SBF2: variants seen among roughly 807,000 people sequenced by gnomAD.
SBF2 encodes SET binding factor 2.
In SBF2, 112 loss-of-function variants were observed where a neutral mutation model predicts 225.2. The observed-to-expected ratio is 0.50, with a 90% CI of 0.43 to 0.58. The LOEUF (loss-of-function observed/expected upper bound fraction) is 0.58. Ranked by LOEUF, SBF2 falls within the 20% of genes least tolerant of loss-of-function variation. SBF2 has a pLI of 0.00. For missense variants in SBF2, 1,996 were observed against 2,206.2 expected (o/e 0.90, Z 1.91); for synonymous variants, 763 against 773.3 (o/e 0.99, Z 0.22).
chr11:9,909,653 G>A (rs1161766977), intron 16 of SBF2, among the ~76,000 whole-genome samples: 2 of 133,606 alleles, frequency 1.5e-5, no homozygotes, highest in East Asian at 4.2e-4. Flanking sequence ...CTGGGTGACA[G>A]AGCGAGACTC....
chr11:10,231,971 C>T (rs534559920), intron 1 of SBF2, among the ~76,000 whole-genome samples: 92 of 152,324 alleles, frequency 6.0e-4, no homozygotes, highest in East Asian at 7.7e-4. Context: ...TCGAGCTTCC[C>T]GGCCGCTTTG....
At chr11:9,997,826 C>G (rs1358301911) in intron 9 of SBF2, among the ~76,000 whole-genome samples, 1 of 152,212 alleles carries the variant, frequency 6.6e-6, no homozygotes, top group Non-Finnish European at 1.5e-5. Flanking sequence ...TATGACACAT[C>G]TTTCTGTAAT....
chr11:10,163,363 T>A (rs887041187), intron 2 of SBF2, among the ~76,000 whole-genome samples: 1 of 152,080 alleles, frequency 6.6e-6, no homozygotes, highest in African/African-American at 2.4e-5. Context: ...AGGGCAAAGG[T>A]GGCCAAGTAA....
chr11:10,175,568 C>T (rs1227003661), intron 2 of SBF2, among the ~76,000 whole-genome samples: 2 of 151,624 alleles, frequency 1.3e-5, no homozygotes, highest in Admixed American at 1.3e-4. Flanking sequence ...TAATGGGAGA[C>T]TTTAACACCC....
At chr11:10,121,310 A>G (rs1953436089) in intron 2 of SBF2, among the ~76,000 whole-genome samples, 1 of 152,230 alleles carries the variant, frequency 6.6e-6, no homozygotes, top group African/African-American at 2.4e-5. Flanking sequence ...TCCATCTAAG[A>G]CAGCCTGCTT....
At chr11:10,018,224 T>C (rs1215199222) in intron 6 of SBF2, among the ~76,000 whole-genome samples, 1 of 152,158 alleles carries the variant, frequency 6.6e-6, no homozygotes, top group Non-Finnish European at 1.5e-5. Flanking sequence ...TACTGAGATA[T>C]ATCATCAATC....
chr11:9,877,721 T>A (rs1859381454), intron 17 of SBF2, among the ~76,000 whole-genome samples: 1 of 152,214 alleles, frequency 6.6e-6, no homozygotes, highest in Non-Finnish European at 1.5e-5. Flanking sequence ...GCAAATGACA[T>A]GAACGCATCC....
chr11:10,294,095 C>A lies in SBF2; in HGVS notation c.-26G>T. ...GGCCGCCGCCGCCGCGCTCGGGAAG[C>A]GGGTCCCCGTCGCCGCCCTCGCCGC... On this transcript the variant is annotated 5_prime_UTR_variant, in exon 1 of 40. Transcript: ENST00000256190. 1.5e-6 allele frequency: 2 copies of A among 1,342,322 alleles called. No homozygotes were observed. Among genetic ancestry groups the A allele is most frequent in the Non-Finnish European group, 1.9e-6 (2 of 1,047,442 alleles). The allele number at this position is 1,342,322 out of a possible 1,614,324, so 83.2% of individuals were successfully genotyped here. A position where few individuals can be genotyped will look rare whatever the true frequency, so the allele number is the denominator to read the frequency against.
At chr11:10,128,510 C>A (rs922686846) in intron 2 of SBF2, among the ~76,000 whole-genome samples, 1 of 152,190 alleles carries the variant, frequency 6.6e-6, no homozygotes, top group Non-Finnish European at 1.5e-5. Context: ...AAGGTAACCA[C>A]AGAATATCAA....
At chr11:10,037,171 A>C (rs1310785038) in intron 3 of SBF2, among the ~76,000 whole-genome samples, 1 of 152,156 alleles carries the variant, frequency 6.6e-6, no homozygotes, top group East Asian at 1.9e-4. Flanking sequence ...GGGGAGGAGA[A>C]GACAGATTCT....
intron 8 of SBF2, among the ~76,000 whole-genome samples, chr11:9,998,741 C>G (rs1947817278): frequency 6.6e-6 from 1 of 152,144 alleles, no homozygotes; most frequent in Admixed American, 6.5e-5. Context: ...GATGACAATG[C>G]CTGGGAGGAT....
At chr11:9,998,243 A>G (rs773241097) in intron 9 of SBF2, 23 bp downstream of exon 9, 1 of 1,301,244 alleles carries the variant, frequency 7.7e-7, no homozygotes, top group Non-Finnish European at 1.1e-6. Context: ...AGAGAAAGTT[A>G]CTATTACAAA....
intron 2 of SBF2, among the ~76,000 whole-genome samples, chr11:10,151,664 G>A (rs1334336615): frequency 2.6e-5 from 4 of 152,170 alleles, no homozygotes; most frequent in Admixed American, 2.6e-4. Flanking sequence ...GAAATGTGAT[G>A]ATTTCCTGAA....
chr11:10,241,867 C>T (rs1959235310), intron 1 of SBF2, among the ~76,000 whole-genome samples: 3 of 151,936 alleles, frequency 2.0e-5, no homozygotes, highest in Non-Finnish European at 2.9e-5. Flanking sequence ...CAGCAGATTC[C>T]CTTGGCCCAC....
intron 2 of SBF2, among the ~76,000 whole-genome samples, chr11:10,100,153 G>C (rs181131756): frequency 6.6e-6 from 1 of 152,256 alleles, no homozygotes; most frequent in African/African-American, 2.4e-5. Context: ...GATGGAAAAA[G>C]GCATTTTGTA....
intron 13 of SBF2, among the ~76,000 whole-genome samples, chr11:9,978,630 T>C (rs1258465607): frequency 3.4e-5 from 5 of 148,088 alleles, no homozygotes; most frequent in Non-Finnish European, 4.5e-5. Flanking sequence ...TTTGTTTGTT[T>C]GATTGTTTTT....
intron 13 of SBF2, among the ~76,000 whole-genome samples, chr11:9,984,891 T>G (rs1171552011): frequency 6.6e-6 from 1 of 152,186 alleles, no homozygotes; most frequent in Non-Finnish European, 1.5e-5. Flanking sequence ...TGAAAGAATT[T>G]GCCATTACCA....
chr11:10,138,294 C>G (rs759673377), intron 2 of SBF2, among the ~76,000 whole-genome samples: 16 of 152,258 alleles, frequency 1.1e-4, no homozygotes, highest in Non-Finnish European at 1.9e-4. Flanking sequence ...AGCAGTTTCT[C>G]ATTAACTCGT....
intron 33 of SBF2, among the ~76,000 whole-genome samples, chr11:9,791,420 T>C (rs1852729725): frequency 2.3e-5 from 1 of 42,660 alleles, no homozygotes; most frequent in African/African-American, 6.3e-5. Flanking sequence ...TACCAGTTTA[T>C]CAAAAAAAAA....
Sources: gnomAD v4.1 joint callset for allele counts (sites outside exome capture counted in the v4.1 genomes callset) on GRCh38, gnomAD v4.1.1 for gene constraint, MANE v1.5 for transcripts, NCBI Gene and HGNC (gene_info 2026-07-23, HGNC 2026-07-21) for gene names.